Variants in ZFHX3 observed in about 807,000 individuals in gnomAD.
ZFHX3 encodes zinc finger homeobox 3.
ZFHX3 carries 42 observed loss-of-function variants against 279.1 expected under a neutral mutation model. The ratio of observed to expected loss-of-function variants is 0.15; its 90% CI spans 0.12 to 0.19. The LOEUF is 0.19. Among genes scored for constraint, ZFHX3 ranks in the 10% least tolerant of loss-of-function variants. The pLI is 1.00. For synonymous variants in ZFHX3, 2,293 were observed against 1,957.8 expected, an observed-to-expected ratio of 1.17 and a Z score of -4.52; for missense variants, 4,981 against 4,754.0, an observed-to-expected ratio of 1.05 and a Z score of -1.40.
chr16:73,070,782 CCT>C (rs1965813191), intron 8 of ZFHX3, among the ~76,000 whole-genome samples: 1 of 151,734 alleles, frequency 6.6e-6, no homozygotes, highest in African/African-American at 2.4e-5. Flanking sequence ...CGGTATCCAT[CCT>C]CTCTGCCTCT....
At chr16:73,599,272 CA>C (rs2052086113) in intron 2 of ZFHX3, among the ~76,000 whole-genome samples, 1 of 152,224 alleles carries the variant, frequency 6.6e-6, no homozygotes, top group African/African-American at 2.4e-5. Flanking sequence ...GTCAGCCACT[CA>C]ACCGGCCTTT....
intron 8 of ZFHX3, among the ~76,000 whole-genome samples, chr16:73,089,108 T>C (rs543547783): frequency 1.2e-4 from 18 of 152,214 alleles, no homozygotes; most frequent in Non-Finnish European, 2.1e-4. Context: ...TTTTAATTAA[T>C]TAATTGATTT....
intron 4 of ZFHX3, among the ~76,000 whole-genome samples, chr16:73,292,214 A>G (rs563060377): frequency 6.6e-6 from 1 of 152,344 alleles, no homozygotes; most frequent in South Asian, 2.1e-4. Context: ...AAAGAAGTGG[A>G]ATCAGGGCAG....
chr16:73,093,807 C>A, intron 7 of ZFHX3: 1 of 269,420 alleles, frequency 3.7e-6, no homozygotes, highest in Non-Finnish European at 7.5e-6. Flanking sequence ...GTGATGTGTT[C>A]ACTTTTATTT....
intron 2 of ZFHX3, among the ~76,000 whole-genome samples, chr16:73,471,365 A>G (rs2018663211): frequency 6.6e-6 from 1 of 152,144 alleles, no homozygotes; most frequent in Non-Finnish European, 1.5e-5. Flanking sequence ...TACATTGGTT[A>G]CATGTGGGCA....
chr16:73,076,865 A>G (rs968688723), intron 8 of ZFHX3, among the ~76,000 whole-genome samples: 1 of 151,122 alleles, frequency 6.6e-6, no homozygotes, highest in African/African-American at 2.5e-5. Context: ...TTTATAAAAT[A>G]TGTGTGTGTG....
chr16:73,183,885 T>C (rs1183560219), intron 5 of ZFHX3, among the ~76,000 whole-genome samples: 1 of 151,966 alleles, frequency 6.6e-6, no homozygotes, highest in Non-Finnish European at 1.5e-5. Context: ...CTCTGCTTGC[T>C]GAAAAAATCT....
At chr16:73,272,897 C>T (rs527450429) in intron 4 of ZFHX3, among the ~76,000 whole-genome samples, 4 of 152,196 alleles carry the variant, frequency 2.6e-5, no homozygotes, top group African/African-American at 9.6e-5. Context: ...CAGGCAGGTG[C>T]CATCACACCT....
intron 5 of ZFHX3, among the ~76,000 whole-genome samples, chr16:73,153,472 A>G (rs886235845): frequency 3.3e-5 from 5 of 152,026 alleles, no homozygotes; most frequent in African/African-American, 7.3e-5. Context: ...CACTGGAGTC[A>G]TTGAAAATGG....
intron 4 of ZFHX3, among the ~76,000 whole-genome samples, chr16:72,878,253 C>T (rs75919816): frequency 0.013 from 2,035 of 152,318 alleles, 21 homozygotes; most frequent in Middle Eastern, 0.02. Context: ...ACATCTACTA[C>T]AAAATTCCCA....
intron 3 of ZFHX3, among the ~76,000 whole-genome samples, chr16:73,393,604 C>A (rs556048755): frequency 2.0e-5 from 3 of 152,312 alleles, no homozygotes; most frequent in African/African-American, 7.2e-5. Flanking sequence ...CATTCCTTCT[C>A]ACGTGAATCT....
At chr16:73,304,736 T>A (rs1395431713) in intron 4 of ZFHX3, among the ~76,000 whole-genome samples, 1 of 152,160 alleles carries the variant, frequency 6.6e-6, no homozygotes, top group Non-Finnish European at 1.5e-5. Flanking sequence ...GTTAAGGGAA[T>A]CCAGGCGTTC....
intron 2 of ZFHX3, among the ~76,000 whole-genome samples, chr16:73,473,358 CAAAAAAAAA>C (rs1300049292): frequency 2.3e-5 from 1 of 43,164 alleles, no homozygotes; most frequent in African/African-American, 7.9e-5. Flanking sequence ...AAAAAAAAAA[CAAAAAAAAA>C]AAAAACAAAA....
chr16:73,247,978 G>C (rs2013350908), intron 5 of ZFHX3, among the ~76,000 whole-genome samples: 1 of 151,826 alleles, frequency 6.6e-6, no homozygotes. Context: ...GTGTCTATGT[G>C]CCTGTATGTG....
chr16:73,242,103 T>A (rs1018114926), intron 5 of ZFHX3, among the ~76,000 whole-genome samples: 3 of 150,174 alleles, frequency 2.0e-5, no homozygotes, highest in African/African-American at 7.6e-5. Flanking sequence ...GCAATCTGAC[T>A]TTTTGGGCAT....
chr16:72,937,245 C>T (rs1394855529), intron 3 of ZFHX3, among the ~76,000 whole-genome samples: 1 of 152,146 alleles, frequency 6.6e-6, no homozygotes, highest in African/African-American at 2.4e-5. Context: ...GGGTTTAAAA[C>T]CACTGGACTG....
intron 2 of ZFHX3, among the ~76,000 whole-genome samples, chr16:73,501,108 C>T (rs2019232366): frequency 6.6e-6 from 1 of 152,206 alleles, no homozygotes; most frequent in Non-Finnish European, 1.5e-5. Flanking sequence ...CTTAGATACA[C>T]AAATGTTTAC....
chr16:72,841,111 G>T (rs1268714978), intron 4 of ZFHX3, among the ~76,000 whole-genome samples: 1 of 152,194 alleles, frequency 6.6e-6, no homozygotes, highest in Admixed American at 6.5e-5. Context: ...GAGCCTTCAG[G>T]TGCCTACCAC....
At chr16:73,871,512 G>C (rs931613365) in intron 1 of ZFHX3, among the ~76,000 whole-genome samples, 9 of 151,854 alleles carry the variant, frequency 5.9e-5, no homozygotes, top group Admixed American at 3.3e-4. Flanking sequence ...GAGAGAGAGA[G>C]AGTGTGTGTG....
Sources: allele counts gnomAD v4.1 joint callset (sites outside exome capture counted in the v4.1 genomes callset), GRCh38; gene constraint gnomAD v4.1.1; transcripts MANE v1.5; gene names NCBI Gene and HGNC (gene_info 2026-07-23, HGNC 2026-07-21).